The following GTF3C1 variants were observed in gnomAD, a reference collection of about 807,000 sequenced individuals.
GTF3C1 encodes the protein general transcription factor 3C polypeptide 1.
GTF3C1 carries 57 observed loss-of-function variants against 226.7 expected under a neutral mutation model. The observed-to-expected ratio is 0.25, with a 90% CI of 0.20 to 0.31. The LOEUF (loss-of-function observed/expected upper bound fraction) is 0.31. Among genes scored for constraint, GTF3C1 ranks in the 10% least tolerant of loss-of-function variants. GTF3C1 has a pLI of 1.00. For missense variants in GTF3C1, 2,217 were observed against 2,776.1 expected (o/e 0.80, Z 4.53); for synonymous variants, 1,090 against 1,084.8 (o/e 1.00, Z -0.09).
intron 10 of GTF3C1, among the ~76,000 whole-genome samples, chr16:27,504,080 G>A (rs1192729010): frequency 3.9e-5 from 6 of 152,276 alleles, no homozygotes; most frequent in Non-Finnish European, 8.8e-5. Context: ...AACCACGTGA[G>A]TGAATCTAGC....
rs754790856 is a variant in GTF3C1 at position 27,469,396 on chromosome 16, C to G, written c.4969G>C (p.Val1657Leu). The G allele has an allele frequency of 6.2e-7, 1 of 1,613,538 alleles. No homozygotes were observed. ...LMRGYYSPGIVSTRNLNPNDS... is the reference protein window; with the variant it reads ...LMRGYYSPGILSTRNLNPNDS... ...TTGGGGTTGAGGTTGCGGGTGCTGA[C>G]GATGCCGGGGGAGTAGTAGCCCCTC... Residue 1657 changes from valine to leucine, a missense_variant, in exon 32 of 37, where the codon GTC becomes CTC. By Grantham distance (32) the Val-to-Leu change is conservative. Transcript: ENST00000356183. This position sits in a 1 kb window ranked among gnomAD's most constrained non-coding sequence, Gnocchi z 4.5.
intron 29 of GTF3C1, among the ~76,000 whole-genome samples, chr16:27,475,779 T>C (rs898879198): frequency 6.6e-6 from 1 of 152,210 alleles, no homozygotes; most frequent in African/African-American, 2.4e-5. Context: ...GAAAGGCAGC[T>C]TTCCCATCCA....
chr16:27,489,637 G>C lies in GTF3C1; in HGVS notation c.3258C>G (p.Asn1086Lys). 6.2e-7 allele frequency: 1 copy of C among 1,611,150 alleles called. No individual in the cohort carries two copies. Among genetic ancestry groups the C allele is most frequent in the Non-Finnish European group, 8.5e-7 (1 of 1,179,330 alleles). Residue 1086 changes from asparagine (N) to lysine (K), a missense_variant, in exon 20 of 37, where the codon AAC becomes AAG. Asn to Lys is a moderately conservative substitution (Grantham distance 94). This residue lies in a region of GTF3C1 where 353 missense variants were observed against 411.7 expected (regional missense o/e 0.86). Transcript: ENST00000356183. ...KEQESAMDKH[N>K]LERKCAMLEY... ...CCAGCATGGCGCACTTGCGCTCCAG[G>C]TTGTGCTTGTCCATGGCGCTCTCCT...
chr16:27,481,705 T>A (rs73533007), intron 26 of GTF3C1, among the ~76,000 whole-genome samples: 4,791 of 152,218 alleles, frequency 0.031, 236 homozygotes, highest in African/African-American at 0.11. Flanking sequence ...CAGTGTGCAA[T>A]GCGACATGGT....
chr16:27,464,622 G>A lies in GTF3C1; in HGVS notation c.5570C>T (p.Pro1857Leu). 4 of 1,507,470 alleles carry A rather than the reference G, an allele frequency of 2.7e-6. No homozygotes were observed. The highest frequency in any genetic ancestry group is 2.7e-6 in the Non-Finnish European group (3 of 1,128,848). The allele number at this position is 1,507,470 out of a possible 1,614,324, so 93.4% of individuals were successfully genotyped here. Residue 1857 changes from proline (P) to leucine (L), a missense_variant, in exon 34 of 37, where the codon CCC becomes CTC. Around this residue, in one of 12 missense-constraint regions of GTF3C1, gnomAD observed 455 missense variants for 441.9 expected, o/e 1.03. Coordinates refer to ENST00000356183, the MANE Select transcript of GTF3C1 (RefSeq NM_001520.4). ...GCTGGCGCGCCTCTTGGTGCCCCGG[G>A]GGCTGTGAGAAGGAGGTGCCTGCCC... ...PEGQAPPSHSPRGTKRRASWA... is the reference protein window; with the variant it reads ...PEGQAPPSHSLRGTKRRASWA...
At chr16:27,502,152 T>A (rs984676136) in intron 11 of GTF3C1, among the ~76,000 whole-genome samples, 1 of 151,390 alleles carries the variant, frequency 6.6e-6, no homozygotes, top group Non-Finnish European at 1.5e-5. Flanking sequence ...TAGGAGCACC[T>A]AGCTCAACCT....
chr16:27,472,361 T>C (rs552720669), intron 29 of GTF3C1, among the ~76,000 whole-genome samples: 4 of 152,210 alleles, frequency 2.6e-5, no homozygotes, highest in Admixed American at 6.5e-5. Context: ...CCATCTAGTC[T>C]ATGCCACTGT....
chr16:27,507,476 AC>A lies in GTF3C1; in HGVS notation c.1243-321del, dbSNP rs1330346315. Among the ~76,000 whole-genome samples the A allele has an allele frequency of 6.6e-6, 1 of 152,246 alleles. No individual in the cohort carries two copies. The highest frequency in any genetic ancestry group is 1.5e-5 in the Non-Finnish European group (1 of 68,044). On this transcript the variant is annotated intron_variant, in intron 8 of 36. Transcript: ENST00000356183. The surrounding 1 kb of genome is among the most constrained non-coding windows in gnomAD (Gnocchi z 4.9). Reference sequence around the variant, plus strand: ...CAGTGGCTGGGACAGGACGTGGCCCACACAAAATGGACAGTACGCAGCAAGC... The same window carrying A: ...CAGTGGCTGGGACAGGACGTGGCCCAACAAAATGGACAGTACGCAGCAAGC...
chr16:27,527,822 C>T (rs898466775), intron 6 of GTF3C1, among the ~76,000 whole-genome samples: 3 of 151,834 alleles, frequency 2.0e-5, no homozygotes, highest in Non-Finnish European at 2.9e-5. Context: ...GGCAACATAG[C>T]GAGACTTTCT....
In GTF3C1 at chr16:27,469,451, C is replaced by T. The variant is rs200030913; in HGVS notation, c.4914G>A (p.Ala1638=). 5.0e-5 allele frequency: 80 copies of T among 1,614,196 alleles called. 1 individual carries two copies. Among genetic ancestry groups the T allele is most frequent in the Middle Eastern group, 1.6e-4 (1 of 6,062 alleles). The change falls in exon 32 of 37, where the codon GCG becomes GCA. Residue 1638 remains alanine, a synonymous_variant. Coordinates refer to ENST00000356183, the MANE Select transcript of GTF3C1 (RefSeq NM_001520.4). The surrounding 1 kb of genome is among the most constrained non-coding windows in gnomAD (Gnocchi z 4.5). ...GKRRSMEVKP[A]QASHTNYLLM... Reference sequence around the variant, plus strand: ...GCAGGTAGTTGGTGTGGGAGGCTTGCGCAGGTTTCACCTCCATGCTCCGGC... The same window carrying T: ...GCAGGTAGTTGGTGTGGGAGGCTTGTGCAGGTTTCACCTCCATGCTCCGGC...
At chr16:27,521,483 C>A (rs1443762059) in intron 6 of GTF3C1, among the ~76,000 whole-genome samples, 1 of 152,248 alleles carries the variant, frequency 6.6e-6, no homozygotes, top group East Asian at 1.9e-4. Context: ...AGGCCAAAGG[C>A]TCCTGCTGTC....
rs2087708349 is a variant in GTF3C1 at position 27,461,690 on chromosome 16, C to CTG, written c.6118-130_6118-129dup. The CTG allele has an allele frequency of 1.4e-6, 1 of 697,710 alleles. No homozygotes were observed. The highest frequency in any genetic ancestry group is 1.7e-5 in the South Asian group (1 of 58,592). The allele number at this position is 697,710 out of a possible 1,614,324, so 43.2% of individuals were successfully genotyped here. A position where few individuals can be genotyped will look rare whatever the true frequency, so the allele number is the denominator to read the frequency against. On this transcript the variant is annotated intron_variant, in intron 36 of 36. Transcript: ENST00000356183. This position sits in a 1 kb window ranked among gnomAD's most constrained non-coding sequence, Gnocchi z 5.3. ...CTTCCCAGAGCAGGGGGCACCTGAA[C>CTG]TGGGCATGAGGCAGATGGGGATGTA...
intron 32 of GTF3C1, among the ~76,000 whole-genome samples, chr16:27,468,168 TG>T (rs1053137409): frequency 6.6e-6 from 1 of 152,228 alleles, no homozygotes; most frequent in African/African-American, 2.4e-5. Flanking sequence ...GAAGATGGGA[TG>T]GAACTGCTGC....
At position 27,464,431 on chromosome 16, in the gene GTF3C1, C is replaced by T. The variant is rs1187363453; in HGVS notation, c.5761G>A (p.Ala1921Thr). The T allele has an allele frequency of 5.6e-6, 9 of 1,603,842 alleles. No individual in the cohort carries two copies. The highest frequency in any genetic ancestry group is 2.2e-5 in the South Asian group (2 of 89,430). ...TGGTCTTCCTGTGCTGCTCCCGCTG[C>T]AGCGGTGTCTTCAAGAGCTGGGGGT... is the stretch of plus-strand genomic sequence containing the variant. Reference protein sequence around the residue: ...SPPPALEDTAAAGAAQEDQEG... With the variant: ...SPPPALEDTATAGAAQEDQEG... The change falls in exon 34 of 37, where the codon GCA (alanine) becomes ACA (threonine). Residue 1921 changes from alanine (A) to threonine (T), a missense_variant. This residue lies in a region of GTF3C1 where 455 missense variants were observed against 441.9 expected (regional missense o/e 1.03). Coordinates refer to ENST00000356183, the MANE Select transcript of GTF3C1 (RefSeq NM_001520.4).
intron 6 of GTF3C1, among the ~76,000 whole-genome samples, chr16:27,514,536 C>T (rs1372455180): frequency 2.6e-5 from 4 of 152,056 alleles, no homozygotes; most frequent in African/African-American, 4.8e-5. Flanking sequence ...CATGCCATTC[C>T]CCCCTAGACT....
In GTF3C1 at chr16:27,544,092, T is replaced by C. The variant is rs148148329; in HGVS notation, c.431+1222A>G. Among the ~76,000 whole-genome samples the C allele has an allele frequency of 3.3e-5, 5 of 152,050 alleles. No homozygotes were observed. In the East Asian group the frequency reaches 9.7e-4, roughly 29 times the overall value. ...TCATGTGCTGAAGGGAAAGCTTCAG[T>C]AGAAATCAAGGACAGACAGGGGGCC... On this transcript the variant is annotated intron_variant, in intron 2 of 36. Coordinates refer to ENST00000356183, the MANE Select transcript of GTF3C1 (RefSeq NM_001520.4).
rs761534921 is a variant in GTF3C1, at chr16:27,464,536, G to A, written c.5656C>T (p.Pro1886Ser). 22 of 1,510,836 alleles carry A rather than the reference G, an allele frequency of 1.5e-5. No individual in the cohort carries two copies. The highest frequency in any genetic ancestry group is 1.9e-5 in the Non-Finnish European group (22 of 1,130,246). The allele number at this position is 1,510,836 out of a possible 1,614,324, so 93.6% of individuals were successfully genotyped here. ...GCCAAATTTGAGTCCTGGAGCGCTGGCCTCTTGGCAGGGGTCATCTGGGTG... is the reference window on the plus strand; with the variant it reads ...GCCAAATTTGAGTCCTGGAGCGCTGACCTCTTGGCAGGGGTCATCTGGGTG... ...EGTQMTPAKR[P>S]ALQDSNLAPS... Residue 1886 changes from proline to serine, a missense_variant, in exon 34 of 37, where the codon CCA (proline) becomes TCA (serine). By Grantham distance (74) the Pro-to-Ser change is moderately conservative. Transcript: ENST00000356183.
chr16:27,473,048 C>T (rs1024281978), intron 29 of GTF3C1, among the ~76,000 whole-genome samples: 18 of 152,118 alleles, frequency 1.2e-4, no homozygotes, highest in Middle Eastern at 3.2e-3. Flanking sequence ...CCTGGGTAGC[C>T]GGGACTACAG....
chr16:27,506,504 T>C (rs190658121), intron 9 of GTF3C1, among the ~76,000 whole-genome samples: 1 of 152,108 alleles, frequency 6.6e-6, no homozygotes, highest in Non-Finnish European at 1.5e-5. Context: ...CACCACTCTC[T>C]ATGCATTTAA....
Sources: allele counts gnomAD v4.1 joint callset (sites outside exome capture counted in the v4.1 genomes callset), GRCh38; gene constraint gnomAD v4.1.1; regional missense constraint gnomAD v4.1.1; non-coding constraint Gnocchi (gnomAD v3.1); transcripts MANE v1.5; gene names NCBI Gene and HGNC (gene_info 2026-07-23, HGNC 2026-07-21).